Variants in CTSA observed in about 807,000 individuals in gnomAD.
CTSA encodes cathepsin A.
A neutral mutation model predicts 66.7 loss-of-function variants in CTSA; 42 were observed. The observed-to-expected ratio is 0.63, with a 90% CI of 0.49 to 0.81. The LOEUF is 0.81. CTSA is among the 40% of genes least tolerant of loss of function. The pLI is 0.00. For synonymous variants in CTSA, 225 were observed against 248.6 expected (o/e 0.91, Z 0.89); for missense variants, 525 against 610.9 (o/e 0.86, Z 1.48).
rs2083140146 is a variant in CTSA at position 45,898,596 on chromosome 20, G to A, written c.*146G>A. 2.4e-6 allele frequency: 2 copies of A among 833,844 alleles called. No individual in the cohort carries two copies. The highest frequency in any genetic ancestry group is 3.9e-6 in the Non-Finnish European group (2 of 506,524). The allele number at this position is 833,844 out of a possible 1,614,324, so 51.7% of individuals were successfully genotyped here. On this transcript the variant is annotated 3_prime_UTR_variant, in exon 15 of 15. Coordinates refer to ENST00000646241, the MANE Select transcript of CTSA (RefSeq NM_000308.4). This position sits in a 1 kb window ranked among gnomAD's most constrained non-coding sequence, Gnocchi z 4.6. The stretch of plus-strand genomic sequence containing the variant: ...CCCAGAGCCCTGTACATCCCAGACT[G>A]GGCCCAGGGTCTCCCATAGACAGCC...
At chr20:45,894,933 G>C (rs749370445) in intron 10 of CTSA, 32 bp downstream of exon 10, 3 of 1,614,164 alleles carry the variant, frequency 1.9e-6, no homozygotes, top group Non-Finnish European at 2.5e-6. Flanking sequence ...CTCCTGGTGA[G>C]GTGGGGGCAG....
intron 11 of CTSA, among the ~76,000 whole-genome samples, chr20:45,895,834 C>T (rs1439793127): frequency 6.6e-6 from 1 of 152,078 alleles, no homozygotes; most frequent in Non-Finnish European, 1.5e-5. Flanking sequence ...ATCCTCCCTC[C>T]TTGGCCTCCC....
At position 45,893,323 on chromosome 20, in the gene CTSA, G is replaced by C; in HGVS notation, c.692+12G>C. The C allele has an allele frequency of 6.3e-7, 1 of 1,596,734 alleles. No individual in the cohort carries two copies. On this transcript the variant is annotated intron_variant, in intron 7 of 14. Coordinates refer to ENST00000646241, the MANE Select transcript of CTSA (RefSeq NM_000308.4). Reference sequence around the variant, plus strand: ...CTTCTGGGGAACAGGTATGGGATAGGGCAGTTGGGCAATCTCTGGGGTGAG... The same window carrying C: ...CTTCTGGGGAACAGGTATGGGATAGCGCAGTTGGGCAATCTCTGGGGTGAG...
chr20:45,898,410 T>C lies in CTSA; in HGVS notation c.1403T>C (p.Phe468Ser). 3 of 1,613,772 alleles carry C rather than the reference T, an allele frequency of 1.9e-6. No individual in the cohort carries two copies. The highest frequency in any genetic ancestry group is 2.5e-6 in the Non-Finnish European group (3 of 1,179,900). ...CCCACCGACAAGCCCCTCGCTGCCTTCACCATGTTCTCCCGCTTCCTGAAC... is the reference window on the plus strand; with the variant it reads ...CCCACCGACAAGCCCCTCGCTGCCTCCACCATGTTCTCCCGCTTCCTGAAC... Reference protein sequence around the residue: ...MVPTDKPLAAFTMFSRFLNKQ... With the variant: ...MVPTDKPLAASTMFSRFLNKQ... Residue 468 changes from phenylalanine (F) to serine (S), a missense_variant, in exon 15 of 15, where the codon TTC becomes TCC. By Grantham distance (155) the Phe-to-Ser change is radical. Around this residue, in one of 3 missense-constraint regions of CTSA, gnomAD observed 274 missense variants for 321.1 expected, o/e 0.85. Coordinates refer to ENST00000646241, the MANE Select transcript of CTSA (RefSeq NM_000308.4). The surrounding 1 kb of genome is among the most constrained non-coding windows in gnomAD (Gnocchi z 4.6).
chr20:45,891,829 C>T lies in CTSA; in HGVS notation c.194+67C>T. On this transcript the variant is annotated intron_variant, in intron 2 of 14. Coordinates refer to ENST00000646241, the MANE Select transcript of CTSA (RefSeq NM_000308.4). This position sits in a 1 kb window ranked among gnomAD's most constrained non-coding sequence, Gnocchi z 4.6. The stretch of plus-strand genomic sequence containing the variant: ...GACGGATGAGGGATGGGGGGTAGTT[C>T]TGCAGACCCCTGAGGATGCCTGGGA... 6.2e-7 allele frequency: 1 copy of T among 1,609,766 alleles called. No individual in the cohort carries two copies. Among genetic ancestry groups the T allele is most frequent in the Non-Finnish European group, 8.5e-7 (1 of 1,176,186 alleles).
In CTSA at chr20:45,898,276, G is replaced by A. The variant is rs1384937096; in HGVS notation, c.1360-91G>A. 1 of 1,366,208 alleles carries A rather than the reference G, an allele frequency of 7.3e-7. No homozygotes were observed. The highest frequency in any genetic ancestry group is 2.5e-5 in the East Asian group (1 of 40,786). The allele number at this position is 1,366,208 out of a possible 1,614,324, so 84.6% of individuals were successfully genotyped here. ...TGGGGAGGGTTCTGGGAAGAATAAAGGGTTTGGGATGAAGGAATTGCCCCC... is the reference window on the plus strand; with the variant it reads ...TGGGGAGGGTTCTGGGAAGAATAAAAGGTTTGGGATGAAGGAATTGCCCCC... On this transcript the variant is annotated intron_variant, in intron 14 of 14. Transcript: ENST00000646241. This position sits in a 1 kb window ranked among gnomAD's most constrained non-coding sequence, Gnocchi z 4.6.
chr20:45,895,238 G>A, intron 11 of CTSA, 105 bp downstream of exon 11: 1 of 1,331,414 alleles, frequency 7.5e-7, no homozygotes, highest in Admixed American at 1.8e-5. Flanking sequence ...TCAATGAGAT[G>A]AGCTGTAGAG....
At chr20:45,893,035 C>T in intron 6 of CTSA, 155 bp downstream of exon 6, 1 of 984,806 alleles carries the variant, frequency 1.0e-6, no homozygotes, top group Non-Finnish European at 1.6e-6. Flanking sequence ...GTGCCTCCCA[C>T]ACAGGAAACT....
Position 45,891,628 on chromosome 20 carries a change from G to T in CTSA, c.60G>T (p.Val20=). ...FLLLLLLLLL[V]SWASRGEAAP... The stretch of plus-strand genomic sequence containing the variant: ...TGCTGCTGCTGCTGCTGCTGCTAGT[G>T]TCCTGGGCGTCCCGAGGCGAGGCAG... The change falls in exon 2 of 15, where the codon GTG becomes GTT. Residue 20 remains valine, a synonymous_variant. Coordinates refer to ENST00000646241, the MANE Select transcript of CTSA (RefSeq NM_000308.4). The surrounding 1 kb of genome is among the most constrained non-coding windows in gnomAD (Gnocchi z 4.6). The T allele has an allele frequency of 6.2e-7, 1 of 1,611,284 alleles. No homozygotes were observed.
Position 45,892,032 on chromosome 20 carries a change from G to A in CTSA, c.306+5G>A. On this transcript the variant is annotated splice_donor_5th_base_variant and intron_variant, in intron 3 of 14. Transcript: ENST00000646241. ...ACAGAGCATGGCCCCTTCCTGGTGA[G>A]TGGACAGCAGGGGGAAAGCACAGTT... 1.9e-6 allele frequency: 3 copies of A among 1,608,866 alleles called. No homozygotes were observed. Among genetic ancestry groups the A allele is most frequent in the Non-Finnish European group, 2.6e-6 (3 of 1,175,262 alleles).
At position 45,898,234 on chromosome 20, in the gene CTSA, GT is replaced by G; in HGVS notation, c.1360-126del. ...CACCATCTGGCCCCTGTATGGGCAAGTTTTTTTGGAGAGGGGTGGGGAGGGT... is the reference window on the plus strand; with the variant it reads ...CACCATCTGGCCCCTGTATGGGCAAGTTTTTTGGAGAGGGGTGGGGAGGGT... On this transcript the variant is annotated intron_variant, in intron 14 of 14. Coordinates refer to ENST00000646241, the MANE Select transcript of CTSA (RefSeq NM_000308.4). This position sits in a 1 kb window ranked among gnomAD's most constrained non-coding sequence, Gnocchi z 4.6. 3.1e-6 allele frequency: 4 copies of G among 1,300,326 alleles called. No homozygotes were observed. The highest frequency in any genetic ancestry group is 1.2e-5 in the South Asian group (1 of 80,820). 80.5% of individuals were successfully genotyped at this position (1,300,326 alleles called of 1,614,324 possible).
At position 45,895,054 on chromosome 20, in the gene CTSA, G is replaced by C. The variant is rs374059459; in HGVS notation, c.1009G>C (p.Ala337Pro). The change falls in exon 11 of 15, where the codon GCT becomes CCT. Residue 337 changes from alanine to proline, a missense_variant. Physicochemically the swap from Ala to Pro is conservative, Grantham distance 27. This residue lies in a region of CTSA where 274 missense variants were observed against 321.1 expected (regional missense o/e 0.85). Coordinates refer to ENST00000646241, the MANE Select transcript of CTSA (RefSeq NM_000308.4). ...CCCCCCCTGCACCAACACAACAGCT[G>C]CTTCCACCTACCTCAACAACCCGTA... ...MDPPCTNTTAASTYLNNPYVR... is the reference protein window; with the variant it reads ...MDPPCTNTTAPSTYLNNPYVR... The C allele has an allele frequency of 3.3e-5, 53 of 1,614,178 alleles. No individual in the cohort carries two copies. Among genetic ancestry groups the C allele is most frequent in the East Asian group, 2.7e-4 (12 of 44,884 alleles).
chr20:45,892,181 T>C (rs1986993489), intron 3 of CTSA, 92 bp from the exon 4 acceptor site: 1 of 1,481,352 alleles, frequency 6.8e-7, no homozygotes, highest in Non-Finnish European at 9.4e-7. Context: ...CTCTCAGAGG[T>C]TTTACCCACA....
At position 45,896,950 on chromosome 20, in the gene CTSA, G is replaced by T. The variant is rs1406343134; in HGVS notation, c.1089-15G>T. ...GACCTGGTCTTCCTGGGGCCTGCTC[G>T]TATGTTCCCGGCAGCTTTCTGGTAA... On this transcript the variant is annotated splice_polypyrimidine_tract_variant and intron_variant, in intron 11 of 14. Transcript: ENST00000646241. 3 of 1,612,402 alleles carry T rather than the reference G, an allele frequency of 1.9e-6. No homozygotes were observed. The highest frequency in any genetic ancestry group is 2.7e-5 in the African/African-American group (2 of 74,894).
chr20:45,891,421 G>A lies in CTSA; in HGVS notation c.-1+42G>A. The A allele has an allele frequency of 1.9e-6, 3 of 1,554,142 alleles. No homozygotes were observed. Among genetic ancestry groups the A allele is most frequent in the South Asian group, 1.2e-5 (1 of 84,746 alleles). Reference sequence around the variant, plus strand: ...GGCTGGAGGGGATCCCCGAGCCCGGGATCGGTGCGCGGCAGAGGAGGCTCG... The same window carrying A: ...GGCTGGAGGGGATCCCCGAGCCCGGAATCGGTGCGCGGCAGAGGAGGCTCG... On this transcript the variant is annotated intron_variant, in intron 1 of 14. Transcript: ENST00000646241. The surrounding 1 kb of genome is among the most constrained non-coding windows in gnomAD (Gnocchi z 4.6).
In CTSA at chr20:45,893,003, C is replaced by G. The variant is rs139376033; in HGVS notation, c.600+123C>G. On this transcript the variant is annotated intron_variant, in intron 6 of 14. Coordinates refer to ENST00000646241, the MANE Select transcript of CTSA (RefSeq NM_000308.4). ...GCTTCCTGCATAACCTCCCCACCAC[C>G]GGCTGCCCTAGGTCTGTCTGTGTGC... 43 of 1,204,882 alleles carry G rather than the reference C, an allele frequency of 3.6e-5. No homozygotes were observed. The African/African-American group carries it at 6.0e-4, about 17-fold the overall frequency. The allele number at this position is 1,204,882 out of a possible 1,614,324, so 74.6% of individuals were successfully genotyped here.
chr20:45,892,920 G>C (rs765155512), intron 6 of CTSA, 40 bp downstream of exon 6: 1 of 1,611,086 alleles, frequency 6.2e-7, no homozygotes, highest in Non-Finnish European at 8.5e-7. Flanking sequence ...GTAGCTTGAG[G>C]CTGTGGCCTT....
chr20:45,898,494 G>A lies in CTSA; in HGVS notation c.*44G>A, dbSNP rs2083138817. 1.3e-6 allele frequency: 2 copies of A among 1,577,904 alleles called. No individual in the cohort carries two copies. The highest frequency in any genetic ancestry group is 1.7e-6 in the Non-Finnish European group (2 of 1,149,346). ...CCACGGCCTGATGCAGCCCCTCCCAGCCTCTCCCGCTAGGAGAGTCCTCTT... is the reference window on the plus strand; with the variant it reads ...CCACGGCCTGATGCAGCCCCTCCCAACCTCTCCCGCTAGGAGAGTCCTCTT... On this transcript the variant is annotated 3_prime_UTR_variant, in exon 15 of 15. Transcript: ENST00000646241. The surrounding 1 kb of genome is among the most constrained non-coding windows in gnomAD (Gnocchi z 4.6).
At chr20:45,897,236 G>T in intron 12 of CTSA, 196 bp downstream of exon 12, 3 of 631,940 alleles carry the variant, frequency 4.7e-6, no homozygotes, top group African/African-American at 1.8e-5. Flanking sequence ...TGCTATAGGA[G>T]GCCTAGGGGT....
Sources: allele counts gnomAD v4.1 joint callset (sites outside exome capture counted in the v4.1 genomes callset), GRCh38; gene constraint gnomAD v4.1.1; regional missense constraint gnomAD v4.1.1; non-coding constraint Gnocchi (gnomAD v3.1); transcripts MANE v1.5; gene names NCBI Gene and HGNC (gene_info 2026-07-23, HGNC 2026-07-21).